Variants in PLEKHA5 observed in about 807,000 individuals in gnomAD.
The protein encoded by PLEKHA5 is pleckstrin homology domain-containing family A member 5.
PLEKHA5 carries 55 observed loss-of-function variants against 181.9 expected under a neutral mutation model. That is an observed-to-expected ratio of 0.30 (90% CI 0.24 to 0.38). The LOEUF is 0.38. Ranked by LOEUF, PLEKHA5 falls within the 10% of genes least tolerant of loss-of-function variation. The pLI, the probability that PLEKHA5 is intolerant of heterozygous loss-of-function variation, is 1.00. For missense variants in PLEKHA5, 1,432 were observed against 1,549.5 expected (o/e 0.92, Z 1.27); for synonymous variants, 535 against 529.4 (o/e 1.01, Z -0.15).
chr12:19,306,696 CTT>C, intron 15 of PLEKHA5: 1 of 1,470,238 alleles, frequency 6.8e-7, no homozygotes, highest in Non-Finnish European at 9.5e-7. Flanking sequence ...TGCGGACTCT[CTT>C]CGGTTTCCTA....
At chr12:19,232,615 T>G (rs1462104429) in intron 3 of PLEKHA5, among the ~76,000 whole-genome samples, 1 of 152,156 alleles carries the variant, frequency 6.6e-6, no homozygotes, top group Non-Finnish European at 1.5e-5. Context: ...GGAGGAAGAT[T>G]CTAGTGTATG....
chr12:19,337,113 G>A (rs990654407), intron 21 of PLEKHA5, among the ~76,000 whole-genome samples: 10 of 148,354 alleles, frequency 6.7e-5, no homozygotes, highest in African/African-American at 2.0e-4. Context: ...TCAGCCTCCC[G>A]AGTAGCTGGG....
intron 16 of PLEKHA5, among the ~76,000 whole-genome samples, chr12:19,318,661 G>A (rs1234621934): frequency 1.3e-5 from 2 of 152,104 alleles, no homozygotes; most frequent in African/African-American, 2.4e-5. Flanking sequence ...GGTGGCTCAC[G>A]CCTATAATCC....
intron 3 of PLEKHA5, among the ~76,000 whole-genome samples, chr12:19,156,144 T>C (rs2041640231): frequency 6.6e-6 from 1 of 152,152 alleles, no homozygotes; most frequent in African/African-American, 2.4e-5. Context: ...CCCTGGAGTA[T>C]GTTCTTGAAT....
At chr12:19,324,503 T>C (rs534219172) in intron 20 of PLEKHA5, among the ~76,000 whole-genome samples, 43 of 152,300 alleles carry the variant, frequency 2.8e-4, no homozygotes, top group Admixed American at 4.6e-4. Context: ...TAATAAATAA[T>C]ATACCTAAAA....
chr12:19,228,070 C>A (rs537282429), intron 3 of PLEKHA5, among the ~76,000 whole-genome samples: 8 of 152,198 alleles, frequency 5.3e-5, no homozygotes, highest in Admixed American at 6.5e-5. Flanking sequence ...CCCTGCATCA[C>A]AGTAAGTGAA....
intron 3 of PLEKHA5, among the ~76,000 whole-genome samples, chr12:19,155,529 C>T (rs563493463): frequency 3.3e-5 from 5 of 152,242 alleles, no homozygotes; most frequent in African/African-American, 1.2e-4. Flanking sequence ...TAGGAATCAT[C>T]GGTATTAGGG....
chr12:19,220,280 A>G (rs1025549082), intron 3 of PLEKHA5, among the ~76,000 whole-genome samples: 2 of 152,038 alleles, frequency 1.3e-5, no homozygotes, highest in African/African-American at 4.8e-5. Context: ...ATTTCTACAT[A>G]AAATGAAGTT....
intron 3 of PLEKHA5, among the ~76,000 whole-genome samples, chr12:19,184,228 T>G (rs1236767160): frequency 1.3e-5 from 2 of 152,178 alleles, no homozygotes; most frequent in Non-Finnish European, 2.9e-5. Context: ...TTCCCTGACT[T>G]TTTGCTGTAT....
chr12:19,245,975 CTTT>C (rs765435105), intron 3 of PLEKHA5, among the ~76,000 whole-genome samples: 1 of 136,982 alleles, frequency 7.3e-6, no homozygotes, highest in Admixed American at 7.4e-5. Flanking sequence ...CATTTACTGC[CTTT>C]TTTTTTTTTT....
At chr12:19,362,536 A>C (rs2095284381) in intron 29 of PLEKHA5, among the ~76,000 whole-genome samples, 2 of 152,096 alleles carry the variant, frequency 1.3e-5, no homozygotes. Context: ...TCCATCTCAA[A>C]AGAAAAGGAA....
At chr12:19,368,095 A>C (rs2095481437) in intron 30 of PLEKHA5, among the ~76,000 whole-genome samples, 1 of 152,032 alleles carries the variant, frequency 6.6e-6, no homozygotes, top group Non-Finnish European at 1.5e-5. Context: ...AATAAACTTT[A>C]TTTAATTTAC....
chr12:19,323,815 CAAAAAAA>C lies in PLEKHA5; in HGVS notation c.2448+1159_2448+1165del, dbSNP rs376204923. 7.8e-5 allele frequency among the ~76,000 whole-genome samples: 9 copies of C among 116,012 alleles called. No individual in the cohort carries two copies. The East Asian group carries it at 1.2e-3, about 16-fold the overall frequency. The allele number at this position is 116,012 out of a possible 152,430, so 76.1% of individuals were successfully genotyped here. Reference sequence around the variant, plus strand: ...TGGGCAACAGAGTGAGACTCTGTTTCAAAAAAAAAAAAAAAAAGAAAGAAATGTACGT... The same window carrying C: ...TGGGCAACAGAGTGAGACTCTGTTTCAAAAAAAAAAGAAAGAAATGTACGT... On this transcript the variant is annotated intron_variant, in intron 20 of 31. Transcript: ENST00000429027.
At chr12:19,132,999 A>T (rs2034472275) in intron 3 of PLEKHA5, among the ~76,000 whole-genome samples, 1 of 148,770 alleles carries the variant, frequency 6.7e-6, no homozygotes, top group African/African-American at 2.5e-5. Context: ...AGCAAAAGTG[A>T]TGTAAAGCTA....
chr12:19,353,936 C>G lies in PLEKHA5; in HGVS notation c.3072C>G (p.Pro1024=), dbSNP rs143830701. 5.9e-3 allele frequency: 9,549 copies of G among 1,611,106 alleles called. 756 individuals are homozygous for G. In the Admixed American group the frequency reaches 0.14, roughly 24 times the overall value. The change falls in exon 26 of 32, where the codon CCC becomes CCG. Residue 1024 remains proline, a synonymous_variant. Coordinates refer to ENST00000429027, the MANE Select transcript of PLEKHA5 (RefSeq NM_001256470.2). ...VVPPRAKSPT[P]ESSTIASYVT... ...CTCCAAGAGCAAAATCACCAACACC[C>G]GAATCTTCGACAATAGCTTCCTATG...
chr12:19,282,518 C>T (rs2076397288), intron 11 of PLEKHA5, among the ~76,000 whole-genome samples: 1 of 152,126 alleles, frequency 6.6e-6, no homozygotes, highest in South Asian at 2.1e-4. Context: ...TGAAAGAAAA[C>T]ATACAACAGA....
chr12:19,344,359 A>T (rs2094163871), intron 22 of PLEKHA5, among the ~76,000 whole-genome samples: 1 of 152,224 alleles, frequency 6.6e-6, no homozygotes, highest in Non-Finnish European at 1.5e-5. Flanking sequence ...TAGAAGTTTT[A>T]TCCCCACAAC....
At chr12:19,290,966 A>G (rs934597629) in intron 14 of PLEKHA5, among the ~76,000 whole-genome samples, 170 bp downstream of exon 14, 4 of 152,160 alleles carry the variant, frequency 2.6e-5, no homozygotes, top group Non-Finnish European at 5.9e-5. Flanking sequence ...TTATTTATAC[A>G]TTACTGAAAG....
intron 8 of PLEKHA5, among the ~76,000 whole-genome samples, chr12:19,268,601 A>G (rs973241225): frequency 3.3e-5 from 5 of 152,166 alleles, no homozygotes; most frequent in Admixed American, 6.5e-5. Context: ...TTTATAGACA[A>G]TTATTGAACA....
Sources: gnomAD v4.1 joint callset for allele counts (sites outside exome capture counted in the v4.1 genomes callset) on GRCh38, gnomAD v4.1.1 for gene constraint, MANE v1.5 for transcripts, NCBI Gene and HGNC (gene_info 2026-07-23, HGNC 2026-07-21) for gene names.